Variants in LRRC52 observed in about 807,000 individuals in gnomAD.
The protein encoded by LRRC52 is leucine-rich repeat-containing protein 52.
Under a neutral mutation model 14.7 loss-of-function variants are expected in LRRC52, and 15 were observed. That is an observed-to-expected ratio of 1.02 (90% CI 0.68 to 1.58). The LOEUF is 1.58. LRRC52 is among the 40% of genes most tolerant of loss of function. The probability of loss-of-function intolerance (pLI) is 0.00; values close to 1 mark genes in which losing one functional copy is unlikely to be tolerated. For synonymous variants in LRRC52, 180 were observed against 163.9 expected, an observed-to-expected ratio of 1.10 and a Z score of -0.75; for missense variants, 400 against 387.7, an observed-to-expected ratio of 1.03 and a Z score of -0.27.
At chr1:165,550,825 C>T (rs1661115733) in intron 1 of LRRC52, among the ~76,000 whole-genome samples, 1 of 151,962 alleles carries the variant, frequency 6.6e-6, no homozygotes, top group South Asian at 2.1e-4. Flanking sequence ...GAATTGAAAG[C>T]CAGGAAGCCC....
intron 1 of LRRC52, among the ~76,000 whole-genome samples, chr1:165,559,965 T>G (rs1661309920): frequency 6.6e-6 from 1 of 152,084 alleles, no homozygotes; most frequent in African/African-American, 2.4e-5. Context: ...ACCATTCCAT[T>G]GGGGGCCATG....
At position 165,547,071 on chromosome 1, in the gene LRRC52, C is replaced by T. The variant is rs947846545; in HGVS notation, c.622+2153C>T. 4.6e-5 allele frequency among the ~76,000 whole-genome samples: 7 copies of T among 152,044 alleles called. No homozygotes were observed. The East Asian group carries it at 1.2e-3, about 25-fold the overall frequency. ...CATTTCCTTTAGCATGAGTGTCACA[C>T]CAACACTTAAACTTGTGCCCTCAGC... On this transcript the variant is annotated intron_variant, in intron 1 of 1. Transcript: ENST00000294818.
chr1:165,556,001 A>G (rs959051571), intron 1 of LRRC52, among the ~76,000 whole-genome samples: 1 of 152,246 alleles, frequency 6.6e-6, no homozygotes, highest in African/African-American at 2.4e-5. Flanking sequence ...CGCCAGCCCC[A>G]CCATGCAGCT....
In LRRC52 at chr1:165,544,233, A is replaced by G; in HGVS notation, c.-64A>G. The G allele has an allele frequency of 1.4e-6, 1 of 698,936 alleles. No individual in the cohort carries two copies. 43.3% of individuals were successfully genotyped at this position (698,936 alleles called of 1,614,324 possible). ...TCCCCCGCCCCACCCCCCCACCGGCAGCCTTCGGATCAGAGGACAGAGCCC... is the reference window on the plus strand; with the variant it reads ...TCCCCCGCCCCACCCCCCCACCGGCGGCCTTCGGATCAGAGGACAGAGCCC... On this transcript the variant is annotated 5_prime_UTR_variant, in exon 1 of 2. Transcript: ENST00000294818.
At position 165,563,791 on chromosome 1, in the gene LRRC52, G is replaced by A. The variant is rs148593286; in HGVS notation, c.909G>A (p.Thr303=). 2.1e-4 allele frequency: 344 copies of A among 1,614,156 alleles called. No homozygotes were observed. In the African/African-American group the frequency reaches 4.1e-3, roughly 19 times the overall value. The change falls in exon 2 of 2, where the codon ACG becomes ACA. Residue 303 remains threonine, a synonymous_variant. Coordinates refer to ENST00000294818, the MANE Select transcript of LRRC52 (RefSeq NM_001005214.4). ...EVSRRIFQTQ[T]SSVQEFPQLI Reference sequence around the variant, plus strand: ...GCCGGCGGATTTTTCAAACCCAGACGAGCTCGGTCCAGGAGTTCCCTCAGC... The same window carrying A: ...GCCGGCGGATTTTTCAAACCCAGACAAGCTCGGTCCAGGAGTTCCCTCAGC...
rs536827214 is a variant in LRRC52, at chr1:165,556,670, G to A, written c.623-6835G>A. 2.6e-5 allele frequency among the ~76,000 whole-genome samples: 4 copies of A among 152,360 alleles called. No homozygotes were observed. In the South Asian group the frequency reaches 6.2e-4, roughly 24 times the overall value. On this transcript the variant is annotated intron_variant, in intron 1 of 1. Coordinates refer to ENST00000294818, the MANE Select transcript of LRRC52 (RefSeq NM_001005214.4). Reference sequence around the variant, plus strand: ...AACAGCAGGCTGGATTTGGCCCACAGGTTGTAGTTTGCTGACCCCTGGCTT... The same window carrying A: ...AACAGCAGGCTGGATTTGGCCCACAAGTTGTAGTTTGCTGACCCCTGGCTT...
At chr1:165,561,394 C>T (rs1661339252) in intron 1 of LRRC52, among the ~76,000 whole-genome samples, 1 of 152,206 alleles carries the variant, frequency 6.6e-6, no homozygotes. Flanking sequence ...GTGTCTCCCA[C>T]AGTTTGGGCA....
intron 1 of LRRC52, among the ~76,000 whole-genome samples, chr1:165,556,295 G>A (rs972607043): frequency 3.4e-4 from 51 of 152,188 alleles, no homozygotes; most frequent in African/African-American, 1.2e-3. Flanking sequence ...GAATAATCAG[G>A]TTGAACTTGC....
intron 1 of LRRC52, among the ~76,000 whole-genome samples, chr1:165,557,261 T>A (rs1322230498): frequency 2.0e-5 from 3 of 152,210 alleles, no homozygotes; most frequent in Non-Finnish European, 4.4e-5. Flanking sequence ...TACCTCCATT[T>A]GGTCCTAGAG....
intron 1 of LRRC52, among the ~76,000 whole-genome samples, chr1:165,554,426 G>GGTTGTTGTTGTTGTTGTTGTTGTT (rs140256565): frequency 6.6e-6 from 1 of 150,476 alleles, no homozygotes; most frequent in Non-Finnish European, 1.5e-5. Context: ...AATGATAGGT[G>GGTTGTTGTTGTTGTTGTTGTTGTT]GTTGTTGTTG....
At chr1:165,545,248 A>G (rs1660995842) in intron 1 of LRRC52, among the ~76,000 whole-genome samples, 1 of 152,144 alleles carries the variant, frequency 6.6e-6, no homozygotes, top group Non-Finnish European at 1.5e-5. Flanking sequence ...CATCAAATAT[A>G]TGATGTGTGT....
Position 165,563,905 on chromosome 1 carries a change from C to T in LRRC52, c.*81C>T. On this transcript the variant is annotated 3_prime_UTR_variant, in exon 2 of 2. Transcript: ENST00000294818. ...CCCTCCCCATCCCACCACCTTGGAGCTGTCATAGAGATTGAAACCTTCTAG... is the reference window on the plus strand; with the variant it reads ...CCCTCCCCATCCCACCACCTTGGAGTTGTCATAGAGATTGAAACCTTCTAG... The T allele has an allele frequency of 1.4e-6, 2 of 1,417,320 alleles. No individual in the cohort carries two copies. Among genetic ancestry groups the T allele is most frequent in the Non-Finnish European group, 1.9e-6 (2 of 1,029,242 alleles). The allele number at this position is 1,417,320 out of a possible 1,614,324, so 87.8% of individuals were successfully genotyped here.
At chr1:165,550,828 G>C (rs1661115778) in intron 1 of LRRC52, among the ~76,000 whole-genome samples, 1 of 152,124 alleles carries the variant, frequency 6.6e-6, no homozygotes, top group Non-Finnish European at 1.5e-5. Flanking sequence ...TTGAAAGCCA[G>C]GAAGCCCTGT....
intron 1 of LRRC52, among the ~76,000 whole-genome samples, chr1:165,553,317 A>G (rs1661172295): frequency 6.6e-6 from 1 of 152,228 alleles, no homozygotes; most frequent in Non-Finnish European, 1.5e-5. Flanking sequence ...GGAGCAGGTC[A>G]GATAAGGACA....
chr1:165,562,281 C>T (rs182111706), intron 1 of LRRC52, among the ~76,000 whole-genome samples: 1 of 152,150 alleles, frequency 6.6e-6, no homozygotes, highest in Admixed American at 6.6e-5. Context: ...TTGTAAATAA[C>T]TTAGTGCATA....
chr1:165,548,802 C>T (rs76171293), intron 1 of LRRC52, among the ~76,000 whole-genome samples: 1 of 152,080 alleles, frequency 6.6e-6, no homozygotes, highest in African/African-American at 2.4e-5. Context: ...AAGTTTGACA[C>T]ACCATAAGCA....
intron 1 of LRRC52, among the ~76,000 whole-genome samples, chr1:165,546,800 TTG>T (rs1375168183): frequency 2.0e-5 from 3 of 152,124 alleles, no homozygotes; most frequent in African/African-American, 7.2e-5. Flanking sequence ...GCTGACCACT[TTG>T]GACTCCTTGA....
chr1:165,563,436 C>G, intron 1 of LRRC52, 69 bp from the exon 2 acceptor site: 1 of 1,400,600 alleles, frequency 7.1e-7, no homozygotes, highest in Non-Finnish European at 9.8e-7. Context: ...CCCTCCTGAT[C>G]CCCTTTGGCC....
intron 1 of LRRC52, among the ~76,000 whole-genome samples, chr1:165,560,792 G>A (rs1661324328): frequency 6.6e-6 from 1 of 152,154 alleles, no homozygotes. Flanking sequence ...GGCATAATAT[G>A]TAGTTTAATT....
Sources: gnomAD v4.1 joint callset for allele counts (sites outside exome capture counted in the v4.1 genomes callset) on GRCh38, gnomAD v4.1.1 for gene constraint, MANE v1.5 for transcripts, NCBI Gene and HGNC (gene_info 2026-07-23, HGNC 2026-07-21) for gene names.